Variants in MYPN observed in about 807,000 individuals in gnomAD.
MYPN encodes sarcomeric protein myopalladin, 145 kDa (MYOP).
Under a neutral mutation model 129.4 loss-of-function variants are expected in MYPN, and 63 were observed. That is an observed-to-expected ratio of 0.49 (90% CI 0.40 to 0.60). The LOEUF (loss-of-function observed/expected upper bound fraction) is 0.60, where lower values mean the gene tolerates loss of function less well. Among genes scored for constraint, MYPN ranks in the 20% least tolerant of loss-of-function variants. MYPN has a pLI of 0.00. For synonymous variants in MYPN, 629 were observed against 600.9 expected, an observed-to-expected ratio of 1.05 and a Z score of -0.68; for missense variants, 1,596 against 1,635.4, an observed-to-expected ratio of 0.98 and a Z score of 0.42.
intron 1 of MYPN, among the ~76,000 whole-genome samples, chr10:68,094,489 T>A (rs990198196): frequency 6.6e-6 from 1 of 151,758 alleles, no homozygotes; most frequent in Non-Finnish European, 1.5e-5. Flanking sequence ...CTTCAACTCC[T>A]GACCTCAGGT....
chr10:68,182,471 T>TATATATACAC (rs780542025), intron 12 of MYPN, among the ~76,000 whole-genome samples: 24 of 104,666 alleles, frequency 2.3e-4, no homozygotes, highest in Middle Eastern at 4.8e-3. Context: ...ATAACATATA[T>TATATATACAC]ACACACACAC....
chr10:68,176,317 C>T (rs980543219), intron 12 of MYPN, among the ~76,000 whole-genome samples: 25 of 152,156 alleles, frequency 1.6e-4, no homozygotes, highest in African/African-American at 5.5e-4. Flanking sequence ...TTTATTTTTG[C>T]TTTTGAGAAT....
rs548866322 is a variant in MYPN at position 68,175,441 on chromosome 10, G to T, written c.2683G>T (p.Asp895Tyr). The T allele has an allele frequency of 3.7e-6, 6 of 1,614,162 alleles. No individual in the cohort carries two copies. In the Admixed American group the frequency reaches 1.0e-4, roughly 27 times the overall value. ...RDLGKKITFSDVRPNQQEYKI... is the reference protein window; with the variant it reads ...RDLGKKITFSYVRPNQQEYKI... ...CTTGGGGAAAAAAATAACTTTCAGT[G>T]ATGTCAGACCAAACCAGCAGGTAAG... Residue 895 changes from aspartate (D) to tyrosine (Y), a missense_variant, in exon 12 of 20, where the codon GAT (aspartate) becomes TAT (tyrosine). By Grantham distance (160) the Asp-to-Tyr change is radical (BLOSUM62 -3). Transcript: ENST00000358913.
rs774042213 is a variant in MYPN, at chr10:68,174,381, C to G, written c.2289C>G (p.Leu763=). The G allele has an allele frequency of 6.2e-7, 1 of 1,614,082 alleles. No individual in the cohort carries two copies. The highest frequency in any genetic ancestry group is 8.5e-7 in the Non-Finnish European group (1 of 1,180,048). The change falls in exon 11 of 20, where the codon CTC becomes CTG. Residue 763 remains leucine (L), a synonymous_variant. Transcript: ENST00000358913. ...AGAGGACAGTGAGCAAAGAAAGCCTCTTAGTGTCTCACCCCTCTGTGCAAA... is the reference window on the plus strand; with the variant it reads ...AGAGGACAGTGAGCAAAGAAAGCCTGTTAGTGTCTCACCCCTCTGTGCAAA... ...TIQRTVSKES[L]LVSHPSVQTK...
At chr10:68,161,813 C>T (rs754334904) in intron 8 of MYPN, 61 bp downstream of exon 8, 15 of 1,267,082 alleles carry the variant, frequency 1.2e-5, no homozygotes, top group Non-Finnish European at 1.6e-5. Flanking sequence ...TACAAGAATA[C>T]ATAATGAAGT....
At chr10:68,183,308 A>G (rs751365005) in intron 12 of MYPN, among the ~76,000 whole-genome samples, 15 of 152,072 alleles carry the variant, frequency 9.9e-5, no homozygotes, top group Non-Finnish European at 7.4e-5. Flanking sequence ...AAAATACAAA[A>G]ATTAGCTAGG....
At chr10:68,206,469 C>T (rs1025070020) in intron 18 of MYPN, among the ~76,000 whole-genome samples, 5 of 152,134 alleles carry the variant, frequency 3.3e-5, no homozygotes, top group Admixed American at 3.3e-4. Flanking sequence ...AAATGTCCAA[C>T]CTTGTTTGGA....
intron 2 of MYPN, among the ~76,000 whole-genome samples, chr10:68,138,697 T>C (rs1433568366): frequency 2.0e-5 from 3 of 152,228 alleles, no homozygotes; most frequent in East Asian, 1.9e-4. Flanking sequence ...ATGTTAGCCA[T>C]TTCTGCTGAC....
chr10:68,170,885 A>C (rs1414333465), intron 10 of MYPN, among the ~76,000 whole-genome samples: 2 of 152,200 alleles, frequency 1.3e-5, no homozygotes, highest in Non-Finnish European at 2.9e-5. Flanking sequence ...ATGGTGGCTC[A>C]AGCCTGTAAT....
chr10:68,174,379 C>A lies in MYPN; in HGVS notation c.2287C>A (p.Leu763Ile). The change falls in exon 11 of 20, where the codon CTC becomes ATC. Residue 763 changes from leucine (L) to isoleucine (I), a missense_variant. Transcript: ENST00000358913. ...TCAGAGGACAGTGAGCAAAGAAAGC[C>A]TCTTAGTGTCTCACCCCTCTGTGCA... ...TIQRTVSKES[L>I]LVSHPSVQTK... The A allele has an allele frequency of 6.2e-7, 1 of 1,614,146 alleles. No individual in the cohort carries two copies. The highest frequency in any genetic ancestry group is 1.6e-4 in the Middle Eastern group (1 of 6,062).
In MYPN at chr10:68,210,575, G is replaced by A. The variant is rs758683747; in HGVS notation, c.*120G>A. On this transcript the variant is annotated 3_prime_UTR_variant, in exon 20 of 20. Coordinates refer to ENST00000358913, the MANE Select transcript of MYPN (RefSeq NM_032578.4). ...AAGTTCCCACACTGCTGGACCTGTGGCAAAGAGTGCTTTGAATAAGTCAGC... is the reference window on the plus strand; with the variant it reads ...AAGTTCCCACACTGCTGGACCTGTGACAAAGAGTGCTTTGAATAAGTCAGC... 2.8e-5 allele frequency: 33 copies of A among 1,186,714 alleles called. No individual in the cohort carries two copies. In the South Asian group the frequency reaches 3.3e-4, roughly 12 times the overall value. The allele number at this position is 1,186,714 out of a possible 1,614,324, so 73.5% of individuals were successfully genotyped here.
intron 10 of MYPN, among the ~76,000 whole-genome samples, chr10:68,168,475 G>T (rs560511180): frequency 1.3e-5 from 2 of 152,138 alleles, no homozygotes; most frequent in Non-Finnish European, 2.9e-5. Flanking sequence ...GAGTGACTGC[G>T]GCCCAGGGAA....
chr10:68,113,912 C>T (rs1165063187), intron 1 of MYPN, among the ~76,000 whole-genome samples: 1 of 152,074 alleles, frequency 6.6e-6, no homozygotes, highest in Non-Finnish European at 1.5e-5. Flanking sequence ...AATTGAAGCT[C>T]TACTCTTTTA....
chr10:68,116,899 A>T (rs2042165412), intron 1 of MYPN, among the ~76,000 whole-genome samples: 1 of 152,134 alleles, frequency 6.6e-6, no homozygotes, highest in Non-Finnish European at 1.5e-5. Flanking sequence ...GACCTCCTTT[A>T]TCTGTCCTAT....
intron 12 of MYPN, among the ~76,000 whole-genome samples, chr10:68,185,244 GAAAGGAAAAAAGAAAAGAGA>G (rs2043403060): frequency 6.6e-6 from 1 of 150,826 alleles, no homozygotes; most frequent in Non-Finnish European, 1.5e-5. Flanking sequence ...GAAAGGAAAG[GAAAGGAAAAAAGAAAAGAGA>G]AAAAAAGAAA....
chr10:68,112,589 G>T (rs539937630), intron 1 of MYPN, among the ~76,000 whole-genome samples: 1 of 152,074 alleles, frequency 6.6e-6, no homozygotes, highest in East Asian at 1.9e-4. Flanking sequence ...TCTCTGCTCG[G>T]CCTCTTTATC....
intron 6 of MYPN, among the ~76,000 whole-genome samples, chr10:68,153,304 A>G (rs964148895): frequency 6.6e-6 from 1 of 151,974 alleles, no homozygotes; most frequent in Non-Finnish European, 1.5e-5. Flanking sequence ...CTTTACATTT[A>G]ATTTTCATGA....
At chr10:68,180,987 C>G (rs2043304946) in intron 12 of MYPN, among the ~76,000 whole-genome samples, 1 of 152,060 alleles carries the variant, frequency 6.6e-6, no homozygotes, top group African/African-American at 2.4e-5. Context: ...TTTTCATTTC[C>G]TTTCATAAAG....
chr10:68,205,338 T>C (rs1291554647), intron 18 of MYPN, among the ~76,000 whole-genome samples: 6 of 152,044 alleles, frequency 3.9e-5, no homozygotes, highest in Non-Finnish European at 7.3e-5. Context: ...TACTTATTTA[T>C]CTTTTATTTA....
Sources: gnomAD v4.1 joint callset for allele counts (sites outside exome capture counted in the v4.1 genomes callset) on GRCh38, gnomAD v4.1.1 for gene constraint, MANE v1.5 for transcripts, NCBI Gene and HGNC (gene_info 2026-07-23, HGNC 2026-07-21) for gene names.